Variants in HDAC9 observed in about 807,000 individuals in gnomAD.
The protein encoded by HDAC9 is histone deacetylase 9.
In HDAC9, 41 loss-of-function variants were observed where a neutral mutation model predicts 139.4. That is an observed-to-expected ratio of 0.29 (90% CI 0.23 to 0.38). The LOEUF (loss-of-function observed/expected upper bound fraction) is 0.38. HDAC9 is among the 10% of genes least tolerant of loss of function. The pLI is 1.00. For synonymous variants in HDAC9, 517 were observed against 476.2 expected (o/e 1.09, Z -1.12); for missense variants, 1,147 against 1,297.0 (o/e 0.88, Z 1.78).
At chr7:18,896,705 G>C (rs1194572365) in intron 22 of HDAC9, among the ~76,000 whole-genome samples, 1 of 151,982 alleles carries the variant, frequency 6.6e-6, no homozygotes, top group Non-Finnish European at 1.5e-5. Context: ...TTTATTTTTA[G>C]GTATAAAGGT....
At chr7:18,298,665 T>A (rs1798314070) in intron 1 of HDAC9, among the ~76,000 whole-genome samples, 1 of 152,222 alleles carries the variant, frequency 6.6e-6, no homozygotes, top group South Asian at 2.1e-4. Context: ...TTCCAGTCAA[T>A]GAACTTTCTT....
At chr7:18,369,711 AG>A (rs1784451560) in intron 1 of HDAC9, among the ~76,000 whole-genome samples, 2 of 152,070 alleles carry the variant, frequency 1.3e-5, no homozygotes, top group Non-Finnish European at 2.9e-5. Context: ...TGTCAGAAAC[AG>A]TGTTTCAAGG....
chr7:18,979,998 A>C (rs1198729975), intron 25 of HDAC9, among the ~76,000 whole-genome samples: 1 of 152,190 alleles, frequency 6.6e-6, no homozygotes, highest in African/African-American at 2.4e-5. Flanking sequence ...TTTTCAATAT[A>C]AATTTTGTTT....
At chr7:18,782,402 C>G (rs570454406) in intron 16 of HDAC9, among the ~76,000 whole-genome samples, 1 of 152,140 alleles carries the variant, frequency 6.6e-6, no homozygotes, top group African/African-American at 2.4e-5. Flanking sequence ...ATTCCCTTTC[C>G]GTTTTAAATA....
intron 17 of HDAC9, among the ~76,000 whole-genome samples, chr7:18,822,836 G>A (rs1210258992): frequency 6.6e-6 from 1 of 151,946 alleles, no homozygotes; most frequent in Admixed American, 6.6e-5. Context: ...TGTGAAATGG[G>A]GATAATAATA....
At position 18,100,466 on chromosome 7, in the gene HDAC9, T is replaced by C. The variant is rs548227425; in HGVS notation, c.-97+13253T>C. Among the ~76,000 whole-genome samples the C allele has an allele frequency of 2.0e-5, 3 of 152,226 alleles. No homozygotes were observed. The East Asian group carries it at 5.8e-4, about 29-fold the overall frequency. On this transcript the variant is annotated intron_variant, in intron 1 of 12. Transcript: ENST00000417496. ...TATATTAGGATCACTGATGCTCTGTTTGTTTATTTTTATTTTTTCTTCTCC... is the reference window on the plus strand; with the variant it reads ...TATATTAGGATCACTGATGCTCTGTCTGTTTATTTTTATTTTTTCTTCTCC...
chr7:18,594,699 G>T (rs979786570), intron 6 of HDAC9, among the ~76,000 whole-genome samples: 3 of 151,946 alleles, frequency 2.0e-5, no homozygotes, highest in African/African-American at 4.8e-5. Flanking sequence ...ATTCTGATAT[G>T]TATATATTTA....
At chr7:18,144,511 C>G (rs1023855513) in intron 1 of HDAC9, among the ~76,000 whole-genome samples, 2 of 152,154 alleles carry the variant, frequency 1.3e-5, no homozygotes, top group Non-Finnish European at 2.9e-5. Context: ...CCCTTTCTCT[C>G]TTATTTGGAA....
intron 2 of HDAC9, among the ~76,000 whole-genome samples, chr7:18,202,519 C>T (rs553412818): frequency 5.7e-4 from 87 of 152,146 alleles, no homozygotes; most frequent in African/African-American, 1.7e-3. Context: ...TGTTTTTATG[C>T]TTGCAGGTTT....
chr7:18,442,240 A>T (rs910204100), intron 1 of HDAC9, among the ~76,000 whole-genome samples: 1 of 152,188 alleles, frequency 6.6e-6, no homozygotes, highest in Non-Finnish European at 1.5e-5. Context: ...TCCGGTCAAC[A>T]TTGAGCATTT....
At position 18,835,947 on chromosome 7, in the gene HDAC9, A is replaced by G. The variant is rs1220151549; in HGVS notation, c.2634A>G (p.Thr878=). 3 of 1,565,856 alleles carry G rather than the reference A, an allele frequency of 1.9e-6. No homozygotes were observed. Among genetic ancestry groups the G allele is most frequent in the Non-Finnish European group, 2.6e-6 (3 of 1,153,698 alleles). ...GGTACAATATAAATATTGCCTGGACAGGTGGCCTTGATCCTCCCATGGGAG... is the reference window on the plus strand; with the variant it reads ...GGTACAATATAAATATTGCCTGGACGGGTGGCCTTGATCCTCCCATGGGAG... ...GEGYNINIAW[T]GGLDPPMGDV... Residue 878 remains threonine (T), a synonymous_variant, in exon 21 of 26, where the codon ACA becomes ACG. Transcript: ENST00000686413.
chr7:18,716,545 C>CATAT (rs61663673), intron 12 of HDAC9, among the ~76,000 whole-genome samples: 2 of 150,650 alleles, frequency 1.3e-5, no homozygotes, highest in Non-Finnish European at 3.0e-5. Flanking sequence ...AACTAGTTTT[C>CATAT]ATATATATAT....
chr7:18,734,089 G>T (rs1246154717), intron 13 of HDAC9, among the ~76,000 whole-genome samples: 1 of 151,994 alleles, frequency 6.6e-6, no homozygotes, highest in Non-Finnish European at 1.5e-5. Context: ...AAGGTTTGTG[G>T]CAATCCTGAA....
At chr7:18,352,718 T>G (rs552056156) in intron 1 of HDAC9, among the ~76,000 whole-genome samples, 243 of 152,238 alleles carry the variant, frequency 1.6e-3, no homozygotes, top group Non-Finnish European at 2.7e-3. Flanking sequence ...ACTTACCATA[T>G]AGAGTTAGTG....
chr7:18,155,093 C>CT (rs397889583), intron 1 of HDAC9, among the ~76,000 whole-genome samples: 2,900 of 141,630 alleles, frequency 0.02, 32 homozygotes, highest in Non-Finnish European at 0.025. Flanking sequence ...TTCTTTCTTT[C>CT]TTTTTTTTTT....
intron 21 of HDAC9, among the ~76,000 whole-genome samples, chr7:18,839,315 T>C (rs902657297): frequency 2.0e-5 from 3 of 152,012 alleles, no homozygotes; most frequent in African/African-American, 7.2e-5. Context: ...AATTTGAACT[T>C]AGTTTGTGAC....
intron 2 of HDAC9, among the ~76,000 whole-genome samples, chr7:18,163,625 C>T (rs1787810553): frequency 6.6e-6 from 1 of 152,174 alleles, no homozygotes; most frequent in Non-Finnish European, 1.5e-5. Flanking sequence ...CCCTACCAGC[C>T]TCTACAGACA....
In HDAC9 at chr7:18,583,995, A is replaced by T. The variant is rs542205970; in HGVS notation, c.23-1286A>T. Reference sequence around the variant, plus strand: ...TTCCCGATTCTTGTGGGTAAGGGTCATACTCAAAATATTTAACAACCAGTT... The same window carrying T: ...TTCCCGATTCTTGTGGGTAAGGGTCTTACTCAAAATATTTAACAACCAGTT... On this transcript the variant is annotated intron_variant, in intron 2 of 25. Coordinates refer to ENST00000686413, the MANE Select transcript of HDAC9 (RefSeq NM_178425.4). 2.0e-5 allele frequency among the ~76,000 whole-genome samples: 3 copies of T among 152,274 alleles called. No homozygotes were observed. In the South Asian group the frequency reaches 6.2e-4, roughly 32 times the overall value.
intron 1 of HDAC9, among the ~76,000 whole-genome samples, chr7:18,294,705 G>A (rs1025340788): frequency 1.3e-5 from 2 of 152,104 alleles, no homozygotes; most frequent in African/African-American, 4.8e-5. Flanking sequence ...AGGTTTACAC[G>A]GGGAGTTGCA....
Sources: gnomAD v4.1 joint callset for allele counts (sites outside exome capture counted in the v4.1 genomes callset) on GRCh38, gnomAD v4.1.1 for gene constraint, MANE v1.5 for transcripts, NCBI Gene and HGNC (gene_info 2026-07-23, HGNC 2026-07-21) for gene names.